CDH4: variants seen among roughly 807,000 people sequenced by gnomAD.
CDH4 encodes cadherin-4.
Under a neutral mutation model 86.0 loss-of-function variants are expected in CDH4, and 33 were observed. The ratio of observed to expected loss-of-function variants is 0.38; its 90% confidence interval spans 0.29 to 0.51. The LOEUF is 0.51. Among genes scored for constraint, CDH4 ranks in the 20% least tolerant of loss-of-function variants. The probability of loss-of-function intolerance (pLI) is 0.86; values close to 1 mark genes in which losing one functional copy is unlikely to be tolerated. For missense variants in CDH4, 1,114 were observed against 1,307.4 expected (o/e 0.85, Z 2.28); for synonymous variants, 555 against 549.4 (o/e 1.01, Z -0.14).
chr20:61,382,688 TG>T (rs1358735728), intron 2 of CDH4, among the ~76,000 whole-genome samples: 5 of 152,016 alleles, frequency 3.3e-5, no homozygotes, highest in Non-Finnish European at 7.4e-5. Context: ...CTTCCAGCCT[TG>T]GGCGGCCATG....
rs1206638287 is a variant in CDH4 at position 61,498,024 on chromosome 20, A to G, written c.169+243087A>G. ...TTAAACAATGAGAACACATGGACAC[A>G]GGAAGGGGAACATCACACACAGGGG... On this transcript the variant is annotated intron_variant, in intron 2 of 15. Coordinates refer to ENST00000614565, the MANE Select transcript of CDH4 (RefSeq NM_001794.5). 4.6e-5 allele frequency among the ~76,000 whole-genome samples: 6 copies of G among 131,508 alleles called. No individual in the cohort carries two copies. The South Asian group carries it at 1.2e-3, about 26-fold the overall frequency. 86.3% of individuals were successfully genotyped at this position (131,508 alleles called of 152,430 possible). A position where few individuals can be genotyped will look rare whatever the true frequency, so the allele number is the denominator to read the frequency against.
At chr20:61,920,079 A>G (rs77648898) in intron 9 of CDH4, among the ~76,000 whole-genome samples, 122 of 2,932 alleles carry the variant, frequency 0.042, 1 homozygote, top group East Asian at 0.071. Flanking sequence ...GCGTGGTGTC[A>G]CGGTGATTGC....
rs6061323 is a variant in CDH4 at position 61,710,631 on chromosome 20, G to C, written c.170-32932G>C. ...TGCAAAGGTGATGGCCTCCAGAAGA[G>C]CTGGAGGGCCCTGGTGAGGAAGGGG... On this transcript the variant is annotated intron_variant, in intron 2 of 15. Transcript: ENST00000614565. Among the ~76,000 whole-genome samples, 146 of 152,350 alleles carry C rather than the reference G, an allele frequency of 9.6e-4. 1 individual carries two copies. Among genetic ancestry groups the C allele is most frequent in the African/African-American group, 3.4e-3 (142 of 41,594 alleles).
At position 61,395,984 on chromosome 20, in the gene CDH4, C is replaced by T. The variant is rs188884140; in HGVS notation, c.169+141047C>T. ...TTAATTAGATCTTCACTTGTCTTTA[C>T]CCCTAATGTGGCTGACAGATAGCTT... On this transcript the variant is annotated intron_variant, in intron 2 of 15. Transcript: ENST00000614565. Among the ~76,000 whole-genome samples, 3 of 152,260 alleles carry T rather than the reference C, an allele frequency of 2.0e-5. No individual in the cohort carries two copies. The East Asian group carries it at 5.8e-4, about 29-fold the overall frequency.
chr20:61,839,347 G>A (rs1568842937), intron 4 of CDH4, among the ~76,000 whole-genome samples: 2 of 151,872 alleles, frequency 1.3e-5, no homozygotes, highest in Non-Finnish European at 1.5e-5. Flanking sequence ...CATATTTTGT[G>A]TTTGTGTATG....
intron 2 of CDH4, among the ~76,000 whole-genome samples, chr20:61,366,786 T>C (rs2084812739): frequency 6.6e-6 from 1 of 152,248 alleles, no homozygotes; most frequent in Non-Finnish European, 1.5e-5. Flanking sequence ...ATGGGCGTTA[T>C]GGCTGTCATG....
At chr20:61,778,300 A>T (rs1978356247) in intron 4 of CDH4, among the ~76,000 whole-genome samples, 1 of 152,242 alleles carries the variant, frequency 6.6e-6, no homozygotes, top group African/African-American at 2.4e-5. Flanking sequence ...TTTGAGGTTC[A>T]GCTGGGATCA....
At chr20:61,857,891 G>A (rs898500140) in intron 6 of CDH4, among the ~76,000 whole-genome samples, 1 of 152,052 alleles carries the variant, frequency 6.6e-6, no homozygotes, top group African/African-American at 2.4e-5. Flanking sequence ...GTCTGTGTGT[G>A]TGTGTGTCTC....
rs59817776 is a variant in CDH4, at chr20:61,584,091, CAG to C, written c.170-159469_170-159468del. On this transcript the variant is annotated intron_variant, in intron 2 of 15. Coordinates refer to ENST00000614565, the MANE Select transcript of CDH4 (RefSeq NM_001794.5). ...ATGAGACTCACTTGAACTCAGGAAA[CAG>C]AGGTTGCAGTGAACCAAGATCACGC... 5.2e-3 allele frequency among the ~76,000 whole-genome samples: 793 copies of C among 152,318 alleles called. 7 individuals carry two copies. Among genetic ancestry groups the C allele is most frequent in the African/African-American group, 0.017 (721 of 41,568 alleles).
At chr20:61,564,429 C>T (rs373759471) in intron 2 of CDH4, among the ~76,000 whole-genome samples, 13 of 152,212 alleles carry the variant, frequency 8.5e-5, no homozygotes, top group East Asian at 3.9e-4. Context: ...AATGGTTTAG[C>T]GCCTTCCCCT....
intron 2 of CDH4, chr20:61,499,406 A>C: frequency 8.0e-7 from 1 of 1,256,542 alleles, no homozygotes; most frequent in Non-Finnish European, 1.0e-6. Flanking sequence ...ACTGGGGTGC[A>C]GGTGTGCCTG....
chr20:61,579,690 G>T (rs2086410970), intron 2 of CDH4, among the ~76,000 whole-genome samples: 1 of 152,032 alleles, frequency 6.6e-6, no homozygotes, highest in African/African-American at 2.4e-5. Context: ...CCCCCACTCT[G>T]CCCCGATGCA....
chr20:61,386,899 G>C lies in CDH4; in HGVS notation c.169+131962G>C, dbSNP rs532635113. ...GATGTTCCCCGGAGCCCGGGGGGAG[G>C]AGGCGTCAGGACCGGCCCCAAGACC... On this transcript the variant is annotated intron_variant, in intron 2 of 15. Coordinates refer to ENST00000614565, the MANE Select transcript of CDH4 (RefSeq NM_001794.5). Among the ~76,000 whole-genome samples the C allele has an allele frequency of 7.2e-5, 11 of 152,334 alleles. No individual in the cohort carries two copies. The South Asian group carries it at 2.3e-3, about 32-fold the overall frequency.
At position 61,836,900 on chromosome 20, in the gene CDH4, G is replaced by T. The variant is rs1981907510; in HGVS notation, c.577-7768G>T. Among the ~76,000 whole-genome samples the T allele has an allele frequency of 5.3e-5, 8 of 152,238 alleles. No homozygotes were observed. The South Asian group carries it at 1.7e-3, about 32-fold the overall frequency. ...GGACCTTGGAGAGAGACTTTTAAAA[G>T]TGGGGGTAGGGGGTCTGGCACACTG... is the stretch of plus-strand genomic sequence containing the variant. On this transcript the variant is annotated intron_variant, in intron 4 of 15. Transcript: ENST00000614565.
chr20:61,860,924 G>C (rs1983294072), intron 6 of CDH4, among the ~76,000 whole-genome samples: 1 of 152,162 alleles, frequency 6.6e-6, no homozygotes, highest in African/African-American at 2.4e-5. Flanking sequence ...AAGTACCCGG[G>C]GGACCCTCTG....
At chr20:61,332,919 C>T (rs148233351) in intron 2 of CDH4, among the ~76,000 whole-genome samples, 17 of 152,336 alleles carry the variant, frequency 1.1e-4, no homozygotes, top group East Asian at 9.7e-4. Flanking sequence ...CGGAGGCTGA[C>T]GCGCCCTTGC....
At chr20:61,426,305 G>A (rs989686093) in intron 2 of CDH4, among the ~76,000 whole-genome samples, 2 of 152,142 alleles carry the variant, frequency 1.3e-5, no homozygotes, top group African/African-American at 2.4e-5. Context: ...TATTAAGGAT[G>A]GGAAATATAG....
chr20:61,772,169 C>T (rs1048038694), intron 3 of CDH4, among the ~76,000 whole-genome samples: 1 of 152,148 alleles, frequency 6.6e-6, no homozygotes, highest in Non-Finnish European at 1.5e-5. Context: ...CAGAGAAGAA[C>T]CCAGGATTGT....
chr20:61,539,197 T>G (rs907254737), intron 2 of CDH4, among the ~76,000 whole-genome samples: 3 of 152,184 alleles, frequency 2.0e-5, no homozygotes, highest in Non-Finnish European at 2.9e-5. Context: ...TGGCCTCCTG[T>G]TCTCAGCATC....
Sources: gnomAD v4.1 joint callset for allele counts (sites outside exome capture counted in the v4.1 genomes callset) on GRCh38, gnomAD v4.1.1 for gene constraint, MANE v1.5 for transcripts, NCBI Gene and HGNC (gene_info 2026-07-23, HGNC 2026-07-21) for gene names.